ZFAT: variants seen among roughly 807,000 people sequenced by gnomAD.
ZFAT encodes zinc finger protein ZFAT.
A neutral mutation model predicts 117.7 loss-of-function variants in ZFAT; 64 were observed. The ratio of observed to expected loss-of-function variants is 0.54; its 90% CI spans 0.44 to 0.67. ZFAT has a LOEUF of 0.67. ZFAT is among the 30% of genes least tolerant of loss of function. The probability of loss-of-function intolerance (pLI) is 0.00; values close to 1 mark genes in which losing one functional copy is unlikely to be tolerated. For missense variants in ZFAT, 1,433 were observed against 1,584.5 expected, an observed-to-expected ratio of 0.90 and a Z score of 1.62; for synonymous variants, 679 against 615.0, an observed-to-expected ratio of 1.10 and a Z score of -1.54.
At chr8:134,679,784 T>C (rs1220660918) in intron 1 of ZFAT, among the ~76,000 whole-genome samples, 2 of 152,186 alleles carry the variant, frequency 1.3e-5, no homozygotes, top group Non-Finnish European at 2.9e-5. Context: ...TCATGTCCTT[T>C]GCAGGGACAC....
At chr8:134,793,571 C>G in the ZFAT span, 11 of 152,196 alleles carry the variant, frequency 7.2e-5, no homozygotes, top group Admixed American at 6.5e-4. Flanking sequence ...ATCCCTCACA[C>G]GCACAGTTCA....
In ZFAT at chr8:134,650,312, G is replaced by C. The variant is rs539384075; in HGVS notation, c.196+7249C>G. Among the ~76,000 whole-genome samples the C allele has an allele frequency of 2.7e-3, 411 of 151,728 alleles. 1 individual carries two copies. The highest frequency in any genetic ancestry group is 4.8e-3 in the Non-Finnish European group (329 of 67,906). On this transcript the variant is annotated intron_variant, in intron 2 of 15. Transcript: ENST00000377838. ...CCAGCTAATTTTTGTATTTTTAGTA[G>C]AGACGGGGTGTCACCATAATGGCCA...
At chr8:134,791,952 C>T in the ZFAT span, 1 of 151,988 alleles carries the variant, frequency 6.6e-6, no homozygotes, top group Non-Finnish European at 1.5e-5. Flanking sequence ...ACACCATAGC[C>T]TAATTCAATC....
intron 9 of ZFAT, among the ~76,000 whole-genome samples, chr8:134,585,659 G>A (rs1046363145): frequency 1.3e-5 from 2 of 152,140 alleles, no homozygotes; most frequent in African/African-American, 2.4e-5. Context: ...CTGCACTTCC[G>A]TGGACTCTGT....
intron 9 of ZFAT, 61 bp downstream of exon 9, chr8:134,588,185 A>C (rs1586761079): frequency 6.7e-7 from 1 of 1,499,108 alleles, no homozygotes; most frequent in African/African-American, 1.4e-5. Context: ...ATGTACTCCC[A>C]AAATGAAGGA....
At chr8:134,649,747 T>C (rs567736506) in intron 2 of ZFAT, among the ~76,000 whole-genome samples, 4 of 152,108 alleles carry the variant, frequency 2.6e-5, no homozygotes, top group South Asian at 2.1e-4. Flanking sequence ...TGTTCATGGA[T>C]TGGAAGGTTT....
chr8:134,800,644 G>T, the ZFAT span: 1 of 447,516 alleles, frequency 2.2e-6, no homozygotes, highest in South Asian at 1.7e-5. Context: ...AAGTTTGTAC[G>T]GTTCTTTACG....
At chr8:134,685,778 C>G (rs187517261) in intron 1 of ZFAT, among the ~76,000 whole-genome samples, 1 of 152,186 alleles carries the variant, frequency 6.6e-6, no homozygotes, top group Non-Finnish European at 1.5e-5. Flanking sequence ...CAGTGGCCCA[C>G]CAGGGCACTA....
intron 12 of ZFAT, among the ~76,000 whole-genome samples, chr8:134,521,561 T>C (rs911861640): frequency 1.3e-5 from 2 of 152,158 alleles, no homozygotes; most frequent in Non-Finnish European, 2.9e-5. Context: ...TTTATTGAAC[T>C]GATTAAATTT....
intron 2 of ZFAT, among the ~76,000 whole-genome samples, chr8:134,644,062 G>A (rs905540023): frequency 2.6e-5 from 4 of 152,294 alleles, no homozygotes; most frequent in African/African-American, 7.2e-5. Context: ...CACATTAGAG[G>A]ACGTCTTTAG....
chr8:134,676,221 G>T (rs999570617), intron 1 of ZFAT, among the ~76,000 whole-genome samples: 8 of 131,422 alleles, frequency 6.1e-5, no homozygotes, highest in Non-Finnish European at 1.1e-4. Context: ...ACAAAATAAA[G>T]GGATGGAGGA....
the ZFAT span, among the ~76,000 whole-genome samples, chr8:134,756,562 C>T: frequency 1.5e-4 from 23 of 152,330 alleles, no homozygotes; most frequent in African/African-American, 5.3e-4. Flanking sequence ...ACCTCCAATC[C>T]CTCTTCAGGT....
intron 10 of ZFAT, among the ~76,000 whole-genome samples, chr8:134,575,906 C>A (rs1420651858): frequency 6.6e-6 from 1 of 152,198 alleles, no homozygotes; most frequent in Non-Finnish European, 1.5e-5. Flanking sequence ...AATAAAAATA[C>A]AGTTAAAGAA....
At chr8:134,546,327 A>G (rs1379084400) in intron 11 of ZFAT, among the ~76,000 whole-genome samples, 1 of 152,186 alleles carries the variant, frequency 6.6e-6, no homozygotes, top group African/African-American at 2.4e-5. Flanking sequence ...TGGTGGTAGG[A>G]CACCTATAAG....
At chr8:134,747,612 T>A in the ZFAT span, among the ~76,000 whole-genome samples, 2 of 152,186 alleles carry the variant, frequency 1.3e-5, no homozygotes, top group African/African-American at 4.8e-5. Context: ...CAAATACACA[T>A]AACAAGCTTG....
chr8:134,715,692 C>A (rs888121725), upstream of ZFAT, among the ~76,000 whole-genome samples: 2 of 152,140 alleles, frequency 1.3e-5, no homozygotes, highest in South Asian at 4.1e-4. Context: ...TAGAAGAGAG[C>A]GGCTTCCCAG....
chr8:134,513,701 C>A (rs1331428251), intron 13 of ZFAT, among the ~76,000 whole-genome samples: 1 of 152,132 alleles, frequency 6.6e-6, no homozygotes, highest in Non-Finnish European at 1.5e-5. Flanking sequence ...AGGCTGGATG[C>A]ATGAATGTCA....
intron 12 of ZFAT, among the ~76,000 whole-genome samples, chr8:134,532,370 C>T (rs1056896412): frequency 4.6e-5 from 7 of 152,166 alleles, no homozygotes; most frequent in African/African-American, 1.4e-4. Context: ...CCACAATGTT[C>T]GATAACAGAA....
chr8:134,521,950 CAA>C (rs1406407460), intron 12 of ZFAT, among the ~76,000 whole-genome samples: 1 of 152,204 alleles, frequency 6.6e-6, no homozygotes, highest in East Asian at 1.9e-4. Context: ...TCCCTAGTCG[CAA>C]ACTCTGGCTT....
Sources: gnomAD v4.1 joint callset for allele counts (sites outside exome capture counted in the v4.1 genomes callset) on GRCh38, gnomAD v4.1.1 for gene constraint, MANE v1.5 for transcripts, NCBI Gene and HGNC (gene_info 2026-07-23, HGNC 2026-07-21) for gene names.